The following RASGRF2 variants were observed in gnomAD, a reference collection of about 807,000 sequenced individuals.
The protein encoded by RASGRF2 is Ras protein specific guanine nucleotide releasing factor 2, also known as ras-specific guanine nucleotide-releasing factor 2.
Under a neutral mutation model 151.0 loss-of-function variants are expected in RASGRF2, and 76 were observed. The observed-to-expected ratio is 0.50, with a 90% confidence interval of 0.42 to 0.61. The LOEUF is 0.61. Among genes scored for constraint, RASGRF2 ranks in the 20% least tolerant of loss-of-function variants. RASGRF2 has a pLI of 0.00. For missense variants in RASGRF2, 1,148 were observed against 1,564.6 expected (o/e 0.73, Z 4.49); for synonymous variants, 504 against 566.5 (o/e 0.89, Z 1.57).
intron 12 of RASGRF2, 54 bp from the exon 13 acceptor site, chr5:81,108,942 A>G (rs188964403): frequency 2.6e-6 from 4 of 1,559,476 alleles, no homozygotes; most frequent in Admixed American, 1.8e-5. Flanking sequence ...GTGGGAATAT[A>G]TGATCTGCCT....
chr5:81,108,873 TGTGTGTGTA>T, intron 12 of RASGRF2, 114 bp from the exon 13 acceptor site: 4 of 1,106,590 alleles, frequency 3.6e-6, no homozygotes, highest in African/African-American at 1.8e-5. Flanking sequence ...TGTGTGTGTG[TGTGTGTGTA>T]AGAGACAGGG....
Position 81,064,933 on chromosome 5 carries a change from G to A in RASGRF2, c.396-3099G>A, listed in dbSNP as rs116282025. ...TAATATTGAGTTAATAAAAAGGGTC[G>A]TTAGTGGACCTGATTTAATCAGATG... On this transcript the variant is annotated intron_variant, in intron 2 of 26. Coordinates refer to ENST00000265080, the MANE Select transcript of RASGRF2 (RefSeq NM_006909.3). Among the ~76,000 whole-genome samples, 404 of 152,226 alleles carry A rather than the reference G, an allele frequency of 2.7e-3. 4 individuals carry two copies. Among genetic ancestry groups the A allele is most frequent in the African/African-American group, 9.1e-3 (376 of 41,532 alleles).
chr5:81,038,303 G>A (rs1196727960), intron 1 of RASGRF2, among the ~76,000 whole-genome samples: 1 of 152,136 alleles, frequency 6.6e-6, no homozygotes, highest in Non-Finnish European at 1.5e-5. Context: ...CAAAGGGCTT[G>A]TGCCAATTTG....
chr5:81,216,908 C>T (rs1307761265), intron 24 of RASGRF2: 1 of 437,406 alleles, frequency 2.3e-6, no homozygotes, highest in Non-Finnish European at 4.6e-6. Flanking sequence ...CCAACTAAAA[C>T]AGAAAACAAG....
rs182490674 is a variant in RASGRF2, at chr5:80,961,306, C to T, written c.288+280C>T. ...GGTAGAGGTCGAGTCGTTTCAGCTT[C>T]TCTGCCAACCATCTATTGCTTCTCT... On this transcript the variant is annotated intron_variant, in intron 1 of 26. Transcript: ENST00000265080. 8.3e-4 allele frequency among the ~76,000 whole-genome samples: 127 copies of T among 152,204 alleles called. 2 individuals carry two copies. Among genetic ancestry groups the T allele is most frequent in the African/African-American group, 3.0e-3 (123 of 41,564 alleles).
intron 21 of RASGRF2, 36 bp from the exon 22 acceptor site, chr5:81,208,318 A>G: frequency 6.4e-7 from 1 of 1,564,266 alleles, no homozygotes; most frequent in African/African-American, 1.4e-5. Flanking sequence ...ATTTTTAAAA[A>G]CTTAATTGGT....
At chr5:81,180,107 A>G (rs976779680) in intron 17 of RASGRF2, 68 bp from the exon 18 acceptor site, 2 of 874,390 alleles carry the variant, frequency 2.3e-6, no homozygotes, top group Admixed American at 1.8e-5. Context: ...CCTAAAATAT[A>G]TGACCTTTTC....
At chr5:81,084,155 T>A (rs549001347) in intron 7 of RASGRF2, among the ~76,000 whole-genome samples, 10 of 152,310 alleles carry the variant, frequency 6.6e-5, no homozygotes, top group African/African-American at 2.4e-4. Context: ...ATTTAAGTAA[T>A]GAGGAAGGAT....
intron 18 of RASGRF2, among the ~76,000 whole-genome samples, chr5:81,199,972 T>C (rs1755351102): frequency 6.6e-6 from 1 of 151,388 alleles, no homozygotes; most frequent in African/African-American, 2.4e-5. Context: ...GGAATTCTAC[T>C]ATAAAGAATA....
intron 1 of RASGRF2, among the ~76,000 whole-genome samples, chr5:81,039,067 A>G (rs1580239641): frequency 6.6e-6 from 1 of 152,194 alleles, no homozygotes. Flanking sequence ...TTCCATCCCA[A>G]GATCATAAAG....
At chr5:81,063,657 C>CAA (rs1194821590) in intron 2 of RASGRF2, among the ~76,000 whole-genome samples, 7 of 152,010 alleles carry the variant, frequency 4.6e-5, no homozygotes, top group Non-Finnish European at 1.0e-4. Flanking sequence ...CTCAGTTTTC[C>CAA]TTTTATATTT....
chr5:81,023,560 G>A (rs1162068209), intron 1 of RASGRF2, among the ~76,000 whole-genome samples: 2 of 143,538 alleles, frequency 1.4e-5, no homozygotes, highest in African/African-American at 2.6e-5. Flanking sequence ...TGCAGAGGCA[G>A]TGTTTGATTT....
chr5:81,057,182 G>A (rs1751247538), intron 2 of RASGRF2, among the ~76,000 whole-genome samples: 1 of 152,148 alleles, frequency 6.6e-6, no homozygotes, highest in Non-Finnish European at 1.5e-5. Flanking sequence ...TATGATGTTA[G>A]CTGGTTATTT....
chr5:81,032,446 C>G (rs1446441634), intron 1 of RASGRF2, among the ~76,000 whole-genome samples: 1 of 152,152 alleles, frequency 6.6e-6, no homozygotes, highest in African/African-American at 2.4e-5. Context: ...AGCTTATCCA[C>G]CACAATCAAG....
intron 11 of RASGRF2, 152 bp downstream of exon 11, chr5:81,094,514 T>G (rs1429893312): frequency 1.3e-6 from 1 of 757,832 alleles, no homozygotes; most frequent in African/African-American, 1.8e-5. Flanking sequence ...CACATTTTAC[T>G]GAATTTGTTT....
chr5:81,029,636 A>C (rs1426790733), intron 1 of RASGRF2, among the ~76,000 whole-genome samples: 3 of 152,136 alleles, frequency 2.0e-5, no homozygotes, highest in Non-Finnish European at 4.4e-5. Context: ...CCACACCAAA[A>C]CCCCATCTGC....
Position 81,045,165 on chromosome 5 carries a change from G to A in RASGRF2, c.395+2182G>A, listed in dbSNP as rs189463846. On this transcript the variant is annotated intron_variant, in intron 2 of 26. Transcript: ENST00000265080. ...ATGAAAGAAGCATCAAGCTGGCAAG[G>A]TAGAGCCCTTGGGTCATTTCCAGAC... Among the ~76,000 whole-genome samples the A allele has an allele frequency of 2.0e-3, 305 of 152,302 alleles. 2 individuals are homozygous for A. Among genetic ancestry groups the A allele is most frequent in the African/African-American group, 7.0e-3 (292 of 41,568 alleles).
intron 15 of RASGRF2, among the ~76,000 whole-genome samples, chr5:81,120,998 T>C (rs1753292352): frequency 6.6e-6 from 1 of 152,160 alleles, no homozygotes; most frequent in African/African-American, 2.4e-5. Context: ...TTTTTGTTTT[T>C]GTTTTTGTTT....
intron 1 of RASGRF2, among the ~76,000 whole-genome samples, chr5:81,033,629 C>T (rs1401577587): frequency 6.6e-6 from 1 of 150,690 alleles, no homozygotes; most frequent in Non-Finnish European, 1.5e-5. Flanking sequence ...CTTCCTTACA[C>T]CTTATACAAA....
Sources: allele counts gnomAD v4.1 joint callset (sites outside exome capture counted in the v4.1 genomes callset), GRCh38; gene constraint gnomAD v4.1.1; transcripts MANE v1.5; gene names NCBI Gene and HGNC (gene_info 2026-07-23, HGNC 2026-07-21).